The following DOCK3 variants were observed in gnomAD, a reference collection of about 807,000 sequenced individuals.
The protein encoded by DOCK3 is dedicator of cytokinesis 3.
In DOCK3, 60 loss-of-function variants were observed where a neutral mutation model predicts 265.6. The observed-to-expected ratio is 0.23, with a 90% CI of 0.18 to 0.28. The LOEUF is 0.28. DOCK3 is among the 10% of genes least tolerant of loss of function. DOCK3 has a pLI of 1.00. For synonymous variants in DOCK3, 881 were observed against 938.0 expected, an observed-to-expected ratio of 0.94 and a Z score of 1.11; for missense variants, 1,981 against 2,594.3, an observed-to-expected ratio of 0.76 and a Z score of 5.14.
intron 49 of DOCK3, among the ~76,000 whole-genome samples, chr3:51,365,679 G>A (rs561256445): frequency 1.3e-5 from 2 of 152,314 alleles, no homozygotes; most frequent in Admixed American, 1.3e-4. Context: ...CTAGTTTATT[G>A]AGAGTTTTTA....
In DOCK3 at chr3:51,075,413, G is replaced by C. The variant is rs777119939; in HGVS notation, c.522G>C (p.Gln174His). Residue 174 changes from glutamine (Q) to histidine (H), a missense_variant, in exon 7 of 53, where the codon CAG becomes CAC. Gln to His is a conservative substitution (Grantham distance 24). Transcript: ENST00000266037. ...ACTTTGAAGTAGTGGACTCGGACCA[G>C]ATTAGTGTCTCAGATCTCTATAAGA... ...RKDFEVVDSD[Q>H]ISVSDLYKMH... 1.2e-5 allele frequency: 20 copies of C among 1,610,562 alleles called. No homozygotes were observed. Among genetic ancestry groups the C allele is most frequent in the Middle Eastern group, 1.6e-4 (1 of 6,076 alleles).
At chr3:50,741,208 T>G (rs2039001928) in intron 1 of DOCK3, among the ~76,000 whole-genome samples, 1 of 151,928 alleles carries the variant, frequency 6.6e-6, no homozygotes, top group African/African-American at 2.4e-5. Context: ...TGTTTCCACC[T>G]TTTGGCTACT....
chr3:50,883,627 T>C (rs2048171866), intron 3 of DOCK3, among the ~76,000 whole-genome samples: 1 of 152,156 alleles, frequency 6.6e-6, no homozygotes, highest in African/African-American at 2.4e-5. Flanking sequence ...ATATTCTAGA[T>C]TGACAGTGCT....
intron 1 of DOCK3, among the ~76,000 whole-genome samples, chr3:50,776,401 A>G (rs1040821807): frequency 3.3e-5 from 5 of 150,548 alleles, no homozygotes; most frequent in Non-Finnish European, 5.9e-5. Flanking sequence ...AGAATTGCCT[A>G]TTCATGTCCT....
In DOCK3 at chr3:51,381,336, C is replaced by T. The variant is rs1553618550; in HGVS notation, c.5870C>T (p.Ser1957Leu). The T allele has an allele frequency of 1.2e-6, 2 of 1,613,478 alleles. No homozygotes were observed. Among genetic ancestry groups the T allele is most frequent in the Non-Finnish European group, 1.7e-6 (2 of 1,179,876 alleles). ...AAGGCCCAGCCATGCCGAAGCCACT[C>T]AGCCCCAGGGTGCGTCATCCCTCAG... The part of the protein sequence containing the change: ...SIKAQPCRSH[S>L]APGCVIPQDP... The change falls in exon 53 of 53, where the codon TCA becomes TTA. Residue 1957 changes from serine (S) to leucine (L), a missense_variant. This residue lies in a region of DOCK3 where 149 missense variants were observed against 144.7 expected (regional missense o/e 1.03). Transcript: ENST00000266037. The surrounding 1 kb of genome is among the most constrained non-coding windows in gnomAD (Gnocchi z 5.6).
At chr3:50,938,644 A>G (rs1314284601) in intron 5 of DOCK3, among the ~76,000 whole-genome samples, 1 of 152,076 alleles carries the variant, frequency 6.6e-6, no homozygotes, top group Non-Finnish European at 1.5e-5. Context: ...AAATTAACCC[A>G]CTACTAAATG....
At chr3:50,954,326 G>C (rs2076673104) in intron 5 of DOCK3, among the ~76,000 whole-genome samples, 1 of 152,094 alleles carries the variant, frequency 6.6e-6, no homozygotes, top group Admixed American at 6.6e-5. Flanking sequence ...CTTATGTACA[G>C]TGTCAGTGGA....
At chr3:51,271,157 A>G in intron 24 of DOCK3, 150 bp downstream of exon 24, 3 of 925,824 alleles carry the variant, frequency 3.2e-6, no homozygotes, top group Non-Finnish European at 3.2e-6. Flanking sequence ...TTTTTGATAA[A>G]CTATAATAGA....
At chr3:50,838,143 G>T (rs2045618391) in intron 2 of DOCK3, among the ~76,000 whole-genome samples, 1 of 152,160 alleles carries the variant, frequency 6.6e-6, no homozygotes, top group Non-Finnish European at 1.5e-5. Context: ...TTGCAATCAT[G>T]CCCTGAGTAA....
chr3:51,267,937 A>G (rs1279980828), intron 23 of DOCK3, among the ~76,000 whole-genome samples: 4 of 152,158 alleles, frequency 2.6e-5, no homozygotes, highest in African/African-American at 7.2e-5. Context: ...TGGGAGGTAA[A>G]CAATGAGAAC....
intron 1 of DOCK3, among the ~76,000 whole-genome samples, chr3:50,721,908 C>G (rs1320479983): frequency 6.6e-6 from 1 of 152,058 alleles, no homozygotes; most frequent in Non-Finnish European, 1.5e-5. Context: ...TTTTGATGAA[C>G]TTTTAATTGA....
At chr3:51,271,118 A>G in intron 24 of DOCK3, 111 bp downstream of exon 24, 1 of 1,242,816 alleles carries the variant, frequency 8.0e-7, no homozygotes, top group South Asian at 1.5e-5. Flanking sequence ...CGATTATGCA[A>G]GAAACCAGTA....
chr3:51,373,339 A>G (rs1406614371), intron 49 of DOCK3, among the ~76,000 whole-genome samples: 2 of 152,184 alleles, frequency 1.3e-5, no homozygotes, highest in African/African-American at 2.4e-5. Flanking sequence ...AAACTACCCA[A>G]CTTCACTCAG....
chr3:51,140,655 C>T (rs1043406635), intron 9 of DOCK3, among the ~76,000 whole-genome samples: 1 of 152,118 alleles, frequency 6.6e-6, no homozygotes, highest in Non-Finnish European at 1.5e-5. Flanking sequence ...CTATGCTAAC[C>T]TTTTGAGGAA....
At chr3:50,773,449 G>A (rs2041403856) in intron 1 of DOCK3, among the ~76,000 whole-genome samples, 1 of 152,106 alleles carries the variant, frequency 6.6e-6, no homozygotes, top group Non-Finnish European at 1.5e-5. Flanking sequence ...CATAGGTTCT[G>A]TGAATACACA....
rs532903798 is a variant in DOCK3, at chr3:50,943,117, A to G, written c.315+9040A>G. Among the ~76,000 whole-genome samples, 182 of 152,200 alleles carry G rather than the reference A, an allele frequency of 1.2e-3. 1 individual carries two copies. The highest frequency in any genetic ancestry group is 4.1e-3 in the African/African-American group (171 of 41,574). On this transcript the variant is annotated intron_variant, in intron 5 of 52. Coordinates refer to ENST00000266037, the MANE Select transcript of DOCK3 (RefSeq NM_004947.5). Reference sequence around the variant, plus strand: ...AAAAATTAGAATAAATAAAATCCCTAGGGGAAGGTATTTAGCAACTTAAAA... The same window carrying G: ...AAAAATTAGAATAAATAAAATCCCTGGGGGAAGGTATTTAGCAACTTAAAA...
intron 3 of DOCK3, chr3:50,877,389 G>C: frequency 1.9e-6 from 1 of 517,738 alleles, no homozygotes; most frequent in South Asian, 1.4e-5. Context: ...TATGGTCAGG[G>C]TCAAGATTAT....
At chr3:51,267,868 A>C (rs189250442) in intron 23 of DOCK3, among the ~76,000 whole-genome samples, 5 of 152,316 alleles carry the variant, frequency 3.3e-5, no homozygotes, top group African/African-American at 1.2e-4. Context: ...GGAAACCATC[A>C]TTCTCAGTCA....
At chr3:51,017,046 G>C (rs1322678059) in intron 5 of DOCK3, among the ~76,000 whole-genome samples, 1 of 145,360 alleles carries the variant, frequency 6.9e-6, no homozygotes, top group East Asian at 2.0e-4. Context: ...TTATGGCTTT[G>C]ATCTTATTAC....
Sources: allele counts gnomAD v4.1 joint callset (sites outside exome capture counted in the v4.1 genomes callset), GRCh38; gene constraint gnomAD v4.1.1; regional missense constraint gnomAD v4.1.1; non-coding constraint Gnocchi (gnomAD v3.1); transcripts MANE v1.5; gene names NCBI Gene and HGNC (gene_info 2026-07-23, HGNC 2026-07-21).